GABRA3: variants seen among roughly 807,000 people sequenced by gnomAD.
GABRA3 encodes gamma-aminobutyric acid receptor subunit alpha-3.
In GABRA3, 10 loss-of-function variants were observed where a neutral mutation model predicts 30.1. The ratio of observed to expected loss-of-function variants is 0.33; its 90% CI spans 0.20 to 0.56. The LOEUF is 0.56. Ranked by LOEUF, GABRA3 falls within the 20% of genes least tolerant of loss-of-function variation. The probability of loss-of-function intolerance (pLI) is 0.89; values close to 1 mark genes in which losing one functional copy is unlikely to be tolerated. For missense variants in GABRA3, 233 were observed against 392.0 expected (o/e 0.59, Z 3.42); for synonymous variants, 151 against 146.8 (o/e 1.03, Z -0.21).
chrX:152,275,468 T>TATATATTTACATATTTATTTTAAATATC (rs1406086247), intron 4 of GABRA3, among the ~76,000 whole-genome samples: 1 of 106,472 alleles, frequency 9.4e-6, no homozygotes, highest in African/African-American at 3.4e-5. Context: ...AAATATCAAA[T>TATATATTTACATATTTATTTTAAATATC]AAATAGAGCT....
At chrX:152,396,282 G>A (rs1316351681) in intron 1 of GABRA3, among the ~76,000 whole-genome samples, 1 of 112,045 alleles carries the variant, frequency 8.9e-6, no homozygotes, top group Non-Finnish European at 1.9e-5. Context: ...AGGCTCGAGA[G>A]AGAGCACGGC....
At chrX:152,262,868 A>G (rs985605787) in intron 4 of GABRA3, among the ~76,000 whole-genome samples, 6 of 112,186 alleles carry the variant, frequency 5.3e-5, no homozygotes, top group African/African-American at 1.9e-4. Context: ...TTACTGTATT[A>G]GTCCATTCTC....
At chrX:152,444,992 C>T (rs1424111665) in intron 1 of GABRA3, among the ~76,000 whole-genome samples, 5 of 71,538 alleles carry the variant, frequency 7.0e-5, no homozygotes, top group Admixed American at 6.1e-4. Context: ...ACCCGGGAGG[C>T]GGAGCTTGCA....
chrX:152,233,380 C>T (rs5969871), intron 5 of GABRA3, among the ~76,000 whole-genome samples: 11,251 of 109,493 alleles, frequency 0.1, 1,198 homozygotes, highest in East Asian at 0.33. Flanking sequence ...TCAAAAAGTG[C>T]GCGAAGGACA....
At chrX:152,205,996 T>C (rs1385894321) in intron 7 of GABRA3, among the ~76,000 whole-genome samples, 2 of 112,895 alleles carry the variant, frequency 1.8e-5, no homozygotes, top group Non-Finnish European at 3.7e-5. Context: ...TGAACGTGTA[T>C]CTTCTGTGTG....
intron 3 of GABRA3, among the ~76,000 whole-genome samples, chrX:152,309,976 T>C (rs774937111): frequency 1.8e-5 from 2 of 111,155 alleles, no homozygotes; most frequent in Non-Finnish European, 3.8e-5. Flanking sequence ...AAAGCAGGAG[T>C]TGATATTCTA....
At chrX:152,368,948 G>A (rs909036933) in intron 1 of GABRA3, among the ~76,000 whole-genome samples, 3 of 110,947 alleles carry the variant, frequency 2.7e-5, no homozygotes, top group South Asian at 3.8e-4. Context: ...CTTGTGATCC[G>A]CCCATCTCGG....
chrX:152,247,288 C>T (rs1048788308), intron 5 of GABRA3, among the ~76,000 whole-genome samples: 3 of 111,574 alleles, frequency 2.7e-5, no homozygotes, highest in Admixed American at 1.9e-4. Flanking sequence ...TAACGTAACC[C>T]ATAGCTGACA....
intron 3 of GABRA3, among the ~76,000 whole-genome samples, chrX:152,342,216 A>G (rs1197243337): frequency 8.9e-6 from 1 of 112,748 alleles, no homozygotes; most frequent in Non-Finnish European, 1.9e-5. Flanking sequence ...GGAATGTAGT[A>G]TCTCACTGTG....
chrX:152,303,537 C>A (rs1401620710), intron 3 of GABRA3, among the ~76,000 whole-genome samples: 2 of 111,727 alleles, frequency 1.8e-5, no homozygotes, highest in Non-Finnish European at 3.8e-5. Context: ...GCACTATTTA[C>A]AATAGCAAGG....
At chrX:152,367,691 C>G (rs1342935449) in intron 1 of GABRA3, among the ~76,000 whole-genome samples, 1 of 111,109 alleles carries the variant, frequency 9.0e-6, no homozygotes, top group Non-Finnish European at 1.9e-5. Context: ...AACTCTGTAC[C>G]TAAATGTCTG....
chrX:152,238,887 T>C (rs1453050960), intron 5 of GABRA3, among the ~76,000 whole-genome samples: 1 of 111,442 alleles, frequency 9.0e-6, no homozygotes, highest in Non-Finnish European at 1.9e-5. Flanking sequence ...TCTCTCTTTT[T>C]TTCTTCATTA....
intron 9 of GABRA3, among the ~76,000 whole-genome samples, chrX:152,182,276 C>T (rs1937159615): frequency 2.0e-5 from 2 of 100,268 alleles, no homozygotes; most frequent in African/African-American, 7.3e-5. Context: ...ATGATTTAAC[C>T]CTTACAGCCA....
At chrX:152,374,574 T>C (rs1928945968) in intron 1 of GABRA3, among the ~76,000 whole-genome samples, 1 of 110,860 alleles carries the variant, frequency 9.0e-6, no homozygotes. Flanking sequence ...ATGGTCTCGA[T>C]CTCCTGACCT....
At chrX:152,345,218 G>A (rs182187907) in intron 3 of GABRA3, among the ~76,000 whole-genome samples, 55 of 111,217 alleles carry the variant, frequency 4.9e-4, no homozygotes, top group African/African-American at 1.8e-3. Context: ...CAACTTACAA[G>A]ACCCCATCCC....
chrX:152,419,381 G>A (rs773857052), intron 1 of GABRA3, among the ~76,000 whole-genome samples: 2 of 111,151 alleles, frequency 1.8e-5, no homozygotes, highest in African/African-American at 6.5e-5. Flanking sequence ...AATAACAAAT[G>A]AAAAAATGAA....
intron 1 of GABRA3, among the ~76,000 whole-genome samples, chrX:152,439,420 C>G (rs1930862072): frequency 9.0e-6 from 1 of 111,417 alleles, no homozygotes; most frequent in South Asian, 3.8e-4. Flanking sequence ...GCATGAGCCA[C>G]CGTGCCTGGT....
intron 3 of GABRA3, among the ~76,000 whole-genome samples, chrX:152,337,461 T>C (rs941539219): frequency 2.7e-5 from 3 of 111,620 alleles, no homozygotes; most frequent in Non-Finnish European, 5.6e-5. Flanking sequence ...CATGTGATAT[T>C]TGTCTTTCTG....
At chrX:152,246,412 C>A (rs988219975) in intron 5 of GABRA3, among the ~76,000 whole-genome samples, 1 of 111,507 alleles carries the variant, frequency 9.0e-6, no homozygotes, top group Admixed American at 9.5e-5. Context: ...TACTTTTTTC[C>A]TCCCCACCTT....
Sources: gnomAD v4.1 joint callset for allele counts (sites outside exome capture counted in the v4.1 genomes callset) on GRCh38, gnomAD v4.1.1 for gene constraint, MANE v1.5 for transcripts, NCBI Gene and HGNC (gene_info 2026-07-23, HGNC 2026-07-21) for gene names.